The following GRIN2C variants were observed in gnomAD, a reference collection of about 807,000 sequenced individuals.
GRIN2C encodes glutamate receptor ionotropic, NMDA 2C.
GRIN2C carries 64 observed loss-of-function variants against 77.7 expected under a neutral mutation model. The observed-to-expected ratio is 0.82, with a 90% CI of 0.67 to 1.01. The LOEUF (loss-of-function observed/expected upper bound fraction) is 1.01, where lower values mean the gene tolerates loss of function less well. GRIN2C is among the 50% of genes least tolerant of loss of function. The pLI is 0.00. For synonymous variants in GRIN2C, 792 were observed against 643.4 expected (o/e 1.23, Z -3.49); for missense variants, 1,549 against 1,486.0 (o/e 1.04, Z -0.70).
chr17:74,843,357 C>T lies in GRIN2C; in HGVS notation c.2780G>A (p.Arg927His), dbSNP rs866462991. The change falls in exon 13 of 13, where the codon CGC becomes CAC. Residue 927 changes from arginine (R) to histidine (H), a missense_variant. Coordinates refer to ENST00000293190, the MANE Select transcript of GRIN2C (RefSeq NM_000835.6). The stretch of plus-strand genomic sequence containing the variant: ...GCAGGGGGACGGTGGGGGCGCACGG[C>T]GGCCGCCACCCCAATTCTCGATGGT... ...TRTIENWGGG[R>H]RAPPPSPCPT... 6.6e-7 allele frequency: 1 copy of T among 1,521,530 alleles called. No homozygotes were observed. The allele number at this position is 1,521,530 out of a possible 1,614,324, so 94.3% of individuals were successfully genotyped here.
At chr17:74,857,728 C>G (rs2037853983) in intron 1 of GRIN2C, among the ~76,000 whole-genome samples, 1 of 152,166 alleles carries the variant, frequency 6.6e-6, no homozygotes, top group African/African-American at 2.4e-5. Context: ...TCTGTGCTGC[C>G]CAGTATAGGA....
At chr17:74,857,904 A>G (rs570562743) in intron 1 of GRIN2C, among the ~76,000 whole-genome samples, 1 of 152,358 alleles carries the variant, frequency 6.6e-6, no homozygotes, top group South Asian at 2.1e-4. Context: ...TGAAATAATA[A>G]CATTTGGGGT....
rs932157853 is a variant in GRIN2C, at chr17:74,847,783, C to G, written c.1771+69G>C. On this transcript the variant is annotated intron_variant, in intron 8 of 12. Transcript: ENST00000293190. This position sits in a 1 kb window ranked among gnomAD's most constrained non-coding sequence, Gnocchi z 5.2. Reference sequence around the variant, plus strand: ...TCCCAAAGGTATTCTCTGAAGGACCCGTTGCCCCTGAGCCCAGCCCTCAGG... The same window carrying G: ...TCCCAAAGGTATTCTCTGAAGGACCGGTTGCCCCTGAGCCCAGCCCTCAGG... 2.1e-5 allele frequency: 33 copies of G among 1,548,702 alleles called. No individual in the cohort carries two copies. Among genetic ancestry groups the G allele is most frequent in the Non-Finnish European group, 2.8e-5 (32 of 1,125,192 alleles).
chr17:74,849,423 G>A lies in GRIN2C; in HGVS notation c.1645+357C>T, dbSNP rs778979388. 1.3e-5 allele frequency among the ~76,000 whole-genome samples: 2 copies of A among 152,042 alleles called. No individual in the cohort carries two copies. Among genetic ancestry groups the A allele is most frequent in the Non-Finnish European group, 2.9e-5 (2 of 68,008 alleles). Reference sequence around the variant, plus strand: ...CACCCAGGAAGCAACACACCTCTTCGCACACTACACTCGCTCCTCAACTCC... The same window carrying A: ...CACCCAGGAAGCAACACACCTCTTCACACACTACACTCGCTCCTCAACTCC... On this transcript the variant is annotated intron_variant, in intron 7 of 12. Coordinates refer to ENST00000293190, the MANE Select transcript of GRIN2C (RefSeq NM_000835.6). The surrounding 1 kb of genome is among the most constrained non-coding windows in gnomAD (Gnocchi z 4.6).
At position 74,852,442 on chromosome 17, in the gene GRIN2C, T is replaced by C. The variant is rs1235706945; in HGVS notation, c.569A>G (p.His190Arg). Residue 190 changes from histidine (H) to arginine (R), a missense_variant, in exon 3 of 13, where the codon CAC becomes CGC. This residue lies in a region of GRIN2C where 382 missense variants were observed against 360.0 expected (regional missense o/e 1.06). Coordinates refer to ENST00000293190, the MANE Select transcript of GRIN2C (RefSeq NM_000835.6). ...EGVRAVADAS[H>R]VSWRLLDVVT... is the part of the protein sequence containing the mutation. ...CACGTCCAGCAGCCGCCAACTCACG[T>C]GGCTGGCGTCGGCGACGGCGCGCAC... The C allele has an allele frequency of 5.2e-6, 8 of 1,539,894 alleles. No homozygotes were observed. The highest frequency in any genetic ancestry group is 6.9e-6 in the Non-Finnish European group (8 of 1,153,202).
Position 74,843,457 on chromosome 17 carries a change from G to A in GRIN2C, c.2680C>T (p.Leu894Phe). 6.5e-7 allele frequency: 1 copy of A among 1,535,224 alleles called. No individual in the cohort carries two copies. Among genetic ancestry groups the A allele is most frequent in the Non-Finnish European group, 8.7e-7 (1 of 1,146,340 alleles). Reference protein sequence around the residue: ...LTASSAQASVLKMLQAARDMV... With the variant: ...LTASSAQASVFKMLQAARDMV... The stretch of plus-strand genomic sequence containing the variant: ...TCGCGGGCTGCCTGCAGCATCTTGA[G>A]CACGCTGGCCTGGGCCGAGCTGGCC... Residue 894 changes from leucine to phenylalanine, a missense_variant, in exon 13 of 13, where the codon CTC becomes TTC. Leu to Phe is a conservative substitution (Grantham distance 22, BLOSUM62 0). This residue lies in a region of GRIN2C where 450 missense variants were observed against 267.9 expected (regional missense o/e 1.68). Transcript: ENST00000293190.
chr17:74,849,062 AGAGGGAGG>A lies in GRIN2C; in HGVS notation c.1645+710_1645+717del, dbSNP rs1231815758. On this transcript the variant is annotated intron_variant, in intron 7 of 12. Coordinates refer to ENST00000293190, the MANE Select transcript of GRIN2C (RefSeq NM_000835.6). The surrounding 1 kb of genome is among the most constrained non-coding windows in gnomAD (Gnocchi z 4.6). Reference sequence around the variant, plus strand: ...AGAAGAAAGGAAGAGTGGGAAGGAGAGAGGGAGGGAGGGAGGGAAATCAATCCTGCCAT... The same window carrying A: ...AGAAGAAAGGAAGAGTGGGAAGGAGAGAGGGAGGGAAATCAATCCTGCCAT... Among the ~76,000 whole-genome samples, 1 of 140,904 alleles carries A rather than the reference AGAGGGAGG, an allele frequency of 7.1e-6. No individual in the cohort carries two copies. Among genetic ancestry groups the A allele is most frequent in the Non-Finnish European group, 1.5e-5 (1 of 64,618 alleles). 92.4% of individuals were successfully genotyped at this position (140,904 alleles called of 152,430 possible).
chr17:74,858,797 C>A (rs1165299413), intron 1 of GRIN2C, among the ~76,000 whole-genome samples: 1 of 152,094 alleles, frequency 6.6e-6, no homozygotes, highest in African/African-American at 2.4e-5. Flanking sequence ...GAACCCACAG[C>A]TCTGCCAGTC....
In GRIN2C at chr17:74,854,784, C is replaced by A. The variant is rs565070752; in HGVS notation, c.309G>T (p.Ala103=). The stretch of plus-strand genomic sequence containing the variant: ...AGATGAAGTCAAGGATCTGGGCCAC[C>A]GCCTCGGTGTCCACGTTGTCCTCAA... ...IVFEDNVDTE[A]VAQILDFISS... is the part of the protein sequence containing the mutation. Residue 103 remains alanine (A), a synonymous_variant, in exon 2 of 13, where the codon GCG becomes GCT. Transcript: ENST00000293190. 2 of 1,613,810 alleles carry A rather than the reference C, an allele frequency of 1.2e-6. No individual in the cohort carries two copies. Among genetic ancestry groups the A allele is most frequent in the Non-Finnish European group, 1.7e-6 (2 of 1,179,724 alleles).
In GRIN2C at chr17:74,842,569, T is replaced by TGCCCCTGTGCCCCAGAGGCCC. The variant is rs768223291; in HGVS notation, c.3547_3567dup (p.Gly1183_Gly1189dup). On this transcript the variant is annotated inframe_insertion, in exon 13 of 13. Transcript: ENST00000293190. ...TAGCCTGTGCCCAGCCCCAGAGTCCTGCCCCTGTGCCCCAGAGGCCCCCAG... is the reference window on the plus strand; with the variant it reads ...TAGCCTGTGCCCAGCCCCAGAGTCCTGCCCCTGTGCCCCAGAGGCCCGCCCCTGTGCCCCAGAGGCCCCCAG... 226 of 772,044 alleles carry TGCCCCTGTGCCCCAGAGGCCC rather than the reference T, an allele frequency of 2.9e-4. 1 individual carries two copies. The African/African-American group carries it at 3.6e-3, about 12-fold the overall frequency. 47.8% of individuals were successfully genotyped at this position (772,044 alleles called of 1,614,324 possible).
Position 74,850,007 on chromosome 17 carries a change from A to AAGGTGGGTG in GRIN2C, c.1492-75_1492-74insCACCCACCT. The AAGGTGGGTG allele has an allele frequency of 6.6e-7, 1 of 1,506,372 alleles. No homozygotes were observed. The highest frequency in any genetic ancestry group is 9.0e-7 in the Non-Finnish European group (1 of 1,106,344). The allele number at this position is 1,506,372 out of a possible 1,614,324, so 93.3% of individuals were successfully genotyped here. ...GGACACGCTGCACAGGCACCTCCAG[A>AAGGTGGGTG]CACCCCTTCTAGCACCCACCAGCTG... On this transcript the variant is annotated intron_variant, in intron 6 of 12. Coordinates refer to ENST00000293190, the MANE Select transcript of GRIN2C (RefSeq NM_000835.6). The surrounding 1 kb of genome is among the most constrained non-coding windows in gnomAD (Gnocchi z 5.3).
In GRIN2C at chr17:74,849,980, G is replaced by A; in HGVS notation, c.1492-47C>T. On this transcript the variant is annotated intron_variant, in intron 6 of 12. Coordinates refer to ENST00000293190, the MANE Select transcript of GRIN2C (RefSeq NM_000835.6). The surrounding 1 kb of genome is among the most constrained non-coding windows in gnomAD (Gnocchi z 4.6). ...GGTTTGAAAAAGGGGCTCCCGTGGG[G>A]TGGACACGCTGCACAGGCACCTCCA... 1 of 1,582,754 alleles carries A rather than the reference G, an allele frequency of 6.3e-7. No homozygotes were observed. The highest frequency in any genetic ancestry group is 1.1e-5 in the South Asian group (1 of 87,108).
In GRIN2C at chr17:74,849,713, A is replaced by G; in HGVS notation, c.1645+67T>C. 6.8e-7 allele frequency: 1 copy of G among 1,471,572 alleles called. No individual in the cohort carries two copies. The highest frequency in any genetic ancestry group is 2.3e-5 in the East Asian group (1 of 43,264). The allele number at this position is 1,471,572 out of a possible 1,614,324, so 91.2% of individuals were successfully genotyped here. A position where few individuals can be genotyped will look rare whatever the true frequency, so the allele number is the denominator to read the frequency against. On this transcript the variant is annotated intron_variant, in intron 7 of 12. Coordinates refer to ENST00000293190, the MANE Select transcript of GRIN2C (RefSeq NM_000835.6). This position sits in a 1 kb window ranked among gnomAD's most constrained non-coding sequence, Gnocchi z 4.6. ...CCACCCAACTCCCCATCCCCACCCA[A>G]GCTGTACACACCCTCCTCGTGGGCC...
chr17:74,844,174 G>C, intron 12 of GRIN2C, 102 bp downstream of exon 12: 1 of 1,535,322 alleles, frequency 6.5e-7, no homozygotes, highest in Non-Finnish European at 8.8e-7. Flanking sequence ...AGCCGGGCCA[G>C]AACCTTGGTT....
In GRIN2C at chr17:74,843,339, G is replaced by A. The variant is rs1171765741; in HGVS notation, c.2798C>T (p.Ser933Phe). The A allele has an allele frequency of 2.0e-6, 3 of 1,504,920 alleles. No homozygotes were observed. Among genetic ancestry groups the A allele is most frequent in the Admixed American group, 2.0e-5 (1 of 50,412 alleles). The allele number at this position is 1,504,920 out of a possible 1,614,324, so 93.2% of individuals were successfully genotyped here. Residue 933 changes from serine (S) to phenylalanine (F), a missense_variant, in exon 13 of 13, where the codon TCC becomes TTC. Physicochemically the swap from Ser to Phe is radical, Grantham distance 155. Coordinates refer to ENST00000293190, the MANE Select transcript of GRIN2C (RefSeq NM_000835.6). ...WGGGRRAPPPSPCPTPRSGPS... is the reference protein window; with the variant it reads ...WGGGRRAPPPFPCPTPRSGPS... ...GCCAGACCGCGGGGTCGGGCAGGGGGACGGTGGGGGCGCACGGCGGCCGCC... is the reference window on the plus strand; with the variant it reads ...GCCAGACCGCGGGGTCGGGCAGGGGAACGGTGGGGGCGCACGGCGGCCGCC...
chr17:74,860,304 G>T (rs533721986), upstream of GRIN2C: 1 of 391,822 alleles, frequency 2.6e-6, no homozygotes, highest in Non-Finnish European at 5.2e-6. Context: ...CCTGTGGCCC[G>T]GGGTCAGGGA....
chr17:74,852,592 A>G lies in GRIN2C; in HGVS notation c.419T>C (p.Leu140Pro). The change falls in exon 3 of 13, where the codon CTG becomes CCG. Residue 140 changes from leucine to proline, a missense_variant. Leu to Pro is a moderately conservative substitution (Grantham distance 98, BLOSUM62 -3). This residue lies in a region of GRIN2C where 382 missense variants were observed against 360.0 expected (regional missense o/e 1.06). Transcript: ENST00000293190. ...LTPKEPGSAF[L>P]QLGVSLEQQL... ...CTGCTCCAGGGACACGCCCAGCTGCAGGAAGGCGGAGCCCGGCTCCTGGGG... is the reference window on the plus strand; with the variant it reads ...CTGCTCCAGGGACACGCCCAGCTGCGGGAAGGCGGAGCCCGGCTCCTGGGG... 1.4e-6 allele frequency: 2 copies of G among 1,421,814 alleles called. No individual in the cohort carries two copies. Among genetic ancestry groups the G allele is most frequent in the Non-Finnish European group, 1.8e-6 (2 of 1,082,622 alleles). 88.1% of individuals were successfully genotyped at this position (1,421,814 alleles called of 1,614,324 possible).
intron 2 of GRIN2C, chr17:74,853,736 A>G (rs1323080185): frequency 6.6e-6 from 1 of 152,160 alleles, no homozygotes; most frequent in Non-Finnish European, 1.5e-5. Flanking sequence ...TTTTTAATGT[A>G]TACTCAAAAT....
At position 74,852,008 on chromosome 17, in the gene GRIN2C, C is replaced by T. The variant is rs2037661066; in HGVS notation, c.998+5G>A. The T allele has an allele frequency of 1.4e-6, 2 of 1,468,374 alleles. No homozygotes were observed. The highest frequency in any genetic ancestry group is 1.8e-6 in the Non-Finnish European group (2 of 1,108,548). The allele number at this position is 1,468,374 out of a possible 1,614,324, so 91.0% of individuals were successfully genotyped here. A position where few individuals can be genotyped will look rare whatever the true frequency, so the allele number is the denominator to read the frequency against. ...CCTACCCCTATGCCCCGGGCAGGTG[C>T]CCACCTGTAGAAGGCCTCCCGGGCA... On this transcript the variant is annotated splice_donor_5th_base_variant and intron_variant, in intron 3 of 12. Transcript: ENST00000293190.
Sources: allele counts gnomAD v4.1 joint callset (sites outside exome capture counted in the v4.1 genomes callset), GRCh38; gene constraint gnomAD v4.1.1; regional missense constraint gnomAD v4.1.1; non-coding constraint Gnocchi (gnomAD v3.1); transcripts MANE v1.5; gene names NCBI Gene and HGNC (gene_info 2026-07-23, HGNC 2026-07-21).